The following PLXDC2 variants were observed in gnomAD, a reference collection of about 807,000 sequenced individuals.
PLXDC2 encodes plexin domain-containing protein 2.
A neutral mutation model predicts 68.9 loss-of-function variants in PLXDC2; 40 were observed. That is an observed-to-expected ratio of 0.58 (90% CI 0.45 to 0.76). The LOEUF (loss-of-function observed/expected upper bound fraction) is 0.76. PLXDC2 is among the 30% of genes least tolerant of loss of function. The pLI is 0.00. For synonymous variants in PLXDC2, 243 were observed against 234.2 expected (o/e 1.04, Z -0.34); for missense variants, 644 against 661.9 (o/e 0.97, Z 0.30).
chr10:19,978,184 C>A (rs1018603821), intron 1 of PLXDC2, among the ~76,000 whole-genome samples: 1 of 152,020 alleles, frequency 6.6e-6, no homozygotes, highest in African/African-American at 2.4e-5. Context: ...GTCCCTATAC[C>A]TGGATTTTAG....
At chr10:20,139,266 C>T (rs1199762773) in intron 4 of PLXDC2, among the ~76,000 whole-genome samples, 3 of 152,174 alleles carry the variant, frequency 2.0e-5, no homozygotes, top group Non-Finnish European at 4.4e-5. Context: ...AATGGAGTGG[C>T]CGTGTATTCG....
chr10:20,075,852 C>T (rs1034490551), intron 4 of PLXDC2, among the ~76,000 whole-genome samples: 1 of 152,182 alleles, frequency 6.6e-6, no homozygotes, highest in Non-Finnish European at 1.5e-5. Context: ...TCTCCAGGCT[C>T]ATCCCCTTCC....
rs16920178 is a variant in PLXDC2 at position 20,258,339 on chromosome 10, G to A, written c.1473+12834G>A. The stretch of plus-strand genomic sequence containing the variant: ...TTTCTGTCTTTTCCTTCCTTTCGCC[G>A]AAGACTGACTACTCTGAGAGCTTTG... On this transcript the variant is annotated intron_variant, in intron 13 of 13. Coordinates refer to ENST00000377252, the MANE Select transcript of PLXDC2 (RefSeq NM_032812.9). Among the ~76,000 whole-genome samples the A allele has an allele frequency of 4.0e-5, 6 of 151,806 alleles. No homozygotes were observed. In the South Asian group the frequency reaches 6.2e-4, roughly 16 times the overall value.
intron 5 of PLXDC2, among the ~76,000 whole-genome samples, chr10:20,146,635 G>T (rs1277766460): frequency 5.3e-5 from 8 of 150,792 alleles, no homozygotes; most frequent in Admixed American, 5.3e-4. Flanking sequence ...AAGCACCAAG[G>T]TCAAGTTAAA....
At chr10:20,219,221 C>T in intron 12 of PLXDC2, 119 bp downstream of exon 12, 2 of 1,066,412 alleles carry the variant, frequency 1.9e-6, no homozygotes, top group South Asian at 3.4e-5. Context: ...GTTTTATTCT[C>T]CGTTGGGATT....
At chr10:19,897,843 A>T (rs1231293444) in intron 1 of PLXDC2, among the ~76,000 whole-genome samples, 2 of 152,166 alleles carry the variant, frequency 1.3e-5, no homozygotes, top group Non-Finnish European at 2.9e-5. Flanking sequence ...TAATTTTCAG[A>T]TGTAATAACA....
chr10:19,946,841 C>G (rs779740374), intron 1 of PLXDC2, among the ~76,000 whole-genome samples: 2 of 152,026 alleles, frequency 1.3e-5, no homozygotes, highest in Non-Finnish European at 2.9e-5. Flanking sequence ...GAATCAAGTG[C>G]CATCGCTGAT....
chr10:20,097,770 G>T (rs1232655149), intron 4 of PLXDC2, among the ~76,000 whole-genome samples: 1 of 151,892 alleles, frequency 6.6e-6, no homozygotes, highest in East Asian at 1.9e-4. Context: ...GCAACATCTT[G>T]CTGAAAATAT....
At chr10:19,837,604 C>T (rs966327833) in intron 1 of PLXDC2, among the ~76,000 whole-genome samples, 4 of 152,038 alleles carry the variant, frequency 2.6e-5, no homozygotes, top group East Asian at 1.9e-4. Context: ...ATGATCCGAC[C>T]TAGTTTAACT....
intron 4 of PLXDC2, among the ~76,000 whole-genome samples, chr10:20,096,544 G>A (rs1833352058): frequency 6.6e-6 from 1 of 151,962 alleles, no homozygotes; most frequent in South Asian, 2.1e-4. Context: ...AGAGGCAAGG[G>A]GCAGGTGGAA....
At chr10:20,185,027 T>C (rs977461624) in intron 9 of PLXDC2, among the ~76,000 whole-genome samples, 1 of 151,438 alleles carries the variant, frequency 6.6e-6, no homozygotes, top group African/African-American at 2.4e-5. Context: ...AAGGAGAGCA[T>C]TAGGACAAAT....
chr10:20,148,681 G>A (rs183866140), intron 6 of PLXDC2, among the ~76,000 whole-genome samples: 1 of 152,254 alleles, frequency 6.6e-6, no homozygotes, highest in African/African-American at 2.4e-5. Flanking sequence ...CTAATTATGA[G>A]AGAAACCTGA....
At chr10:19,939,935 G>A (rs1833789771) in intron 1 of PLXDC2, among the ~76,000 whole-genome samples, 1 of 151,802 alleles carries the variant, frequency 6.6e-6, no homozygotes, top group Admixed American at 6.6e-5. Flanking sequence ...GTTTATATTT[G>A]GAGTTGAGAT....
chr10:20,120,541 G>A (rs1459343489), intron 4 of PLXDC2, among the ~76,000 whole-genome samples: 2 of 152,268 alleles, frequency 1.3e-5, no homozygotes, highest in East Asian at 1.9e-4. Context: ...GAGGAATTAT[G>A]TCTGACAGAA....
chr10:20,179,226 C>T lies in PLXDC2; in HGVS notation c.1061+1817C>T, dbSNP rs549191164. ...GGTGCCTATCAGCTATGTTTCTTTG[C>T]ATCCTGGGCAAGCCGCCATCATTAG... On this transcript the variant is annotated intron_variant, in intron 9 of 13. Transcript: ENST00000377252. 8.1e-4 allele frequency among the ~76,000 whole-genome samples: 123 copies of T among 152,212 alleles called. 1 individual carries two copies. Among genetic ancestry groups the T allele is most frequent in the African/African-American group, 2.1e-3 (86 of 41,566 alleles).
At chr10:20,163,017 G>T (rs1173546303) in intron 6 of PLXDC2, among the ~76,000 whole-genome samples, 1 of 151,842 alleles carries the variant, frequency 6.6e-6, no homozygotes, top group Non-Finnish European at 1.5e-5. Flanking sequence ...GGAGGCGGAG[G>T]TTGCACTCCA....
intron 1 of PLXDC2, among the ~76,000 whole-genome samples, chr10:19,852,803 C>T (rs1837147278): frequency 6.6e-6 from 1 of 152,124 alleles, no homozygotes; most frequent in African/African-American, 2.4e-5. Flanking sequence ...CAAGACGCTT[C>T]TGAGGTGAGA....
intron 6 of PLXDC2, among the ~76,000 whole-genome samples, chr10:20,148,448 G>C (rs746475462): frequency 5.9e-5 from 9 of 151,916 alleles, no homozygotes; most frequent in Non-Finnish European, 8.8e-5. Flanking sequence ...CTAAGTGACA[G>C]AAAAAACAAG....
chr10:19,970,779 C>T lies in PLXDC2; in HGVS notation c.113-30996C>T, dbSNP rs16919635. ...TTTCTGGGGAGTGGGATGCAACATC[C>T]GGGCAGCACCTCCATTGGTTCAAGA... On this transcript the variant is annotated intron_variant, in intron 1 of 13. Coordinates refer to ENST00000377252, the MANE Select transcript of PLXDC2 (RefSeq NM_032812.9). Among the ~76,000 whole-genome samples, 1,462 of 152,206 alleles carry T rather than the reference C, an allele frequency of 9.6e-3. 27 individuals are homozygous for T. The highest frequency in any genetic ancestry group is 0.032 in the African/African-American group (1,338 of 41,518).
Sources: gnomAD v4.1 joint callset for allele counts (sites outside exome capture counted in the v4.1 genomes callset) on GRCh38, gnomAD v4.1.1 for gene constraint, MANE v1.5 for transcripts, NCBI Gene and HGNC (gene_info 2026-07-23, HGNC 2026-07-21) for gene names.